VPS13B: variants seen among roughly 807,000 people sequenced by gnomAD.
The protein encoded by VPS13B is vacuolar protein sorting 13 homolog B.
VPS13B carries 285 observed loss-of-function variants against 426.4 expected under a neutral mutation model. That is an observed-to-expected ratio of 0.67 (90% confidence interval 0.61 to 0.74). The LOEUF (loss-of-function observed/expected upper bound fraction) is 0.74, where lower values mean the gene tolerates loss of function less well. VPS13B is among the 30% of genes least tolerant of loss of function. The pLI, the probability that VPS13B is intolerant of heterozygous loss-of-function variation, is 0.00. For missense variants in VPS13B, 4,537 were observed against 4,782.6 expected, an observed-to-expected ratio of 0.95 and a Z score of 1.51; for synonymous variants, 1,676 against 1,676.4, an observed-to-expected ratio of 1.00 and a Z score of 0.01.
At chr8:99,370,592 A>C (rs1042625626) in intron 19 of VPS13B, among the ~76,000 whole-genome samples, 1 of 142,514 alleles carries the variant, frequency 7.0e-6, no homozygotes, top group African/African-American at 2.6e-5. Flanking sequence ...GTCTACATAT[A>C]TTGAGTGAAG....
intron 39 of VPS13B, among the ~76,000 whole-genome samples, chr8:99,755,989 C>G (rs1005625535): frequency 2.0e-5 from 3 of 151,726 alleles, no homozygotes; most frequent in African/African-American, 7.3e-5. Context: ...AAAAAGCGAT[C>G]AATAGAAATT....
intron 13 of VPS13B, among the ~76,000 whole-genome samples, chr8:99,147,005 C>A (rs1810767818): frequency 6.6e-6 from 1 of 152,112 alleles, no homozygotes. Flanking sequence ...GTTCTGCCAA[C>A]CCCAGAGATA....
chr8:99,337,399 A>T (rs1810966871), intron 19 of VPS13B, among the ~76,000 whole-genome samples: 1 of 151,366 alleles, frequency 6.6e-6, no homozygotes, highest in Non-Finnish European at 1.5e-5. Context: ...GCTTTAGGAG[A>T]TATACCTAAT....
At chr8:99,777,853 C>T (rs1033080237) in intron 41 of VPS13B, among the ~76,000 whole-genome samples, 1 of 152,090 alleles carries the variant, frequency 6.6e-6, no homozygotes, top group African/African-American at 2.4e-5. Context: ...CTGTACCAAA[C>T]CTTTTCTAGG....
chr8:99,173,629 A>G (rs1360470099), intron 16 of VPS13B, among the ~76,000 whole-genome samples: 1 of 152,170 alleles, frequency 6.6e-6, no homozygotes, highest in East Asian at 1.9e-4. Context: ...TAAAACTACT[A>G]AGCCTTAAAT....
intron 15 of VPS13B, among the ~76,000 whole-genome samples, chr8:99,169,660 T>C (rs1409291788): frequency 2.0e-5 from 3 of 152,154 alleles, no homozygotes; most frequent in South Asian, 4.1e-4. Context: ...ATATTAACAT[T>C]AATTTATAAA....
chr8:99,568,054 A>G (rs1825271068), intron 31 of VPS13B, among the ~76,000 whole-genome samples: 1 of 152,150 alleles, frequency 6.6e-6, no homozygotes, highest in Non-Finnish European at 1.5e-5. Context: ...TGTTTTAGGA[A>G]GAGCAAAGAC....
At chr8:99,383,341 AT>A (rs1412994487) in intron 19 of VPS13B, among the ~76,000 whole-genome samples, 1 of 152,036 alleles carries the variant, frequency 6.6e-6, no homozygotes. Context: ...TCATGAATCA[AT>A]TTTTTAATAT....
chr8:99,681,215 C>T (rs767158802), intron 35 of VPS13B, among the ~76,000 whole-genome samples: 41 of 152,136 alleles, frequency 2.7e-4, no homozygotes, highest in Non-Finnish European at 5.0e-4. Flanking sequence ...CATTCTGGTG[C>T]GTGCCTCCTG....
chr8:99,635,197 G>A (rs1025458848), intron 33 of VPS13B, among the ~76,000 whole-genome samples: 7 of 151,886 alleles, frequency 4.6e-5, no homozygotes, highest in Admixed American at 1.3e-4. Flanking sequence ...TTTTTTTACT[G>A]TATTTGTTAG....
At chr8:99,844,325 A>C (rs1815862917) in intron 54 of VPS13B, among the ~76,000 whole-genome samples, 1 of 151,252 alleles carries the variant, frequency 6.6e-6, no homozygotes, top group African/African-American at 2.4e-5. Flanking sequence ...TTTTCACTGT[A>C]ACCTCACATG....
At chr8:99,061,296 C>CTTTTTTT (rs36037937) in intron 3 of VPS13B, among the ~76,000 whole-genome samples, 8 of 112,876 alleles carry the variant, frequency 7.1e-5, no homozygotes, top group South Asian at 2.9e-4. Flanking sequence ...TGCTAATTTT[C>CTTTTTTT]TTTTTTTTTT....
At chr8:99,685,368 C>T (rs1831341954) in intron 35 of VPS13B, among the ~76,000 whole-genome samples, 1 of 152,218 alleles carries the variant, frequency 6.6e-6, no homozygotes, top group Non-Finnish European at 1.5e-5. Flanking sequence ...TTCAGGGTCT[C>T]ACAAAGCCAA....
chr8:99,623,503 C>T (rs1333872158), intron 33 of VPS13B, among the ~76,000 whole-genome samples: 2 of 152,086 alleles, frequency 1.3e-5, no homozygotes, highest in African/African-American at 4.8e-5. Flanking sequence ...CTGGTATCTA[C>T]CCAGTGCCTT....
At chr8:99,819,880 T>C (rs777583940) in intron 48 of VPS13B, 41 bp from the exon 49 acceptor site, 26 of 1,603,986 alleles carry the variant, frequency 1.6e-5, no homozygotes, top group Non-Finnish European at 2.0e-5. Context: ...ATTAAAGTTA[T>C]CATATTTCAT....
intron 33 of VPS13B, among the ~76,000 whole-genome samples, chr8:99,610,361 C>T (rs1827790067): frequency 6.6e-6 from 1 of 152,112 alleles, no homozygotes; most frequent in Admixed American, 6.5e-5. Context: ...CAATGATAGA[C>T]CTGATAAAGA....
At chr8:99,818,983 G>GGGA in intron 47 of VPS13B, 95 bp downstream of exon 47, 1 of 384,876 alleles carries the variant, frequency 2.6e-6, no homozygotes, top group Non-Finnish European at 5.3e-6. Flanking sequence ...GGAGGGGTGG[G>GGGA]TAGGGAGATG....
intron 5 of VPS13B, among the ~76,000 whole-genome samples, chr8:99,110,426 G>C (rs1010067444): frequency 6.6e-6 from 1 of 151,832 alleles, no homozygotes; most frequent in Non-Finnish European, 1.5e-5. Context: ...ATATACTCTA[G>C]AGTGTTATTG....
At chr8:99,326,452 C>CTTTGTTTTTT (rs1810268758) in intron 19 of VPS13B, among the ~76,000 whole-genome samples, 1 of 32,518 alleles carries the variant, frequency 3.1e-5, no homozygotes, top group African/African-American at 1.3e-4. Flanking sequence ...CTCTAGGTAG[C>CTTTGTTTTTT]TTTTTTTTTT....
Sources: allele counts gnomAD v4.1 joint callset (sites outside exome capture counted in the v4.1 genomes callset), GRCh38; gene constraint gnomAD v4.1.1; transcripts MANE v1.5; gene names NCBI Gene and HGNC (gene_info 2026-07-23, HGNC 2026-07-21).